DACH1: variants seen among roughly 807,000 people sequenced by gnomAD.
DACH1 encodes dachshund homolog 1.
In DACH1, 12 loss-of-function variants were observed where a neutral mutation model predicts 54.2. The ratio of observed to expected loss-of-function variants is 0.22; its 90% CI spans 0.14 to 0.36. The LOEUF (loss-of-function observed/expected upper bound fraction) is 0.36. DACH1 is among the 10% of genes least tolerant of loss of function. The probability of loss-of-function intolerance (pLI) is 1.00; values close to 1 mark genes in which losing one functional copy is unlikely to be tolerated. For synonymous variants in DACH1, 386 were observed against 366.2 expected (o/e 1.05, Z -0.62); for missense variants, 805 against 929.8 (o/e 0.87, Z 1.75).
In DACH1 at chr13:71,762,501, G is replaced by C. The variant is rs535325644; in HGVS notation, c.849-80591C>G. Among the ~76,000 whole-genome samples, 10 of 151,970 alleles carry C rather than the reference G, an allele frequency of 6.6e-5. No individual in the cohort carries two copies. In the East Asian group the frequency reaches 1.9e-3, roughly 29 times the overall value. ...AGGTCCGGCGTGGTGGCTCACTTTGGGAGGCCGAGGCGAGCAGCACTTTGG... is the reference window on the plus strand; with the variant it reads ...AGGTCCGGCGTGGTGGCTCACTTTGCGAGGCCGAGGCGAGCAGCACTTTGG... On this transcript the variant is annotated intron_variant, in intron 1 of 10. Coordinates refer to ENST00000613252, the MANE Select transcript of DACH1 (RefSeq NM_080759.6).
chr13:71,628,052 C>T (rs10507794), intron 3 of DACH1, among the ~76,000 whole-genome samples: 15,885 of 151,984 alleles, frequency 0.1, 2,330 homozygotes, highest in African/African-American at 0.32. Context: ...TGATATGATA[C>T]TATTATTTAT....
intron 1 of DACH1, among the ~76,000 whole-genome samples, chr13:71,773,788 C>G (rs1206623676): frequency 2.0e-5 from 3 of 152,000 alleles, no homozygotes; most frequent in Non-Finnish European, 4.4e-5. Flanking sequence ...TGAAAACAAT[C>G]TTTTATTACT....
intron 1 of DACH1, among the ~76,000 whole-genome samples, chr13:71,732,325 C>T (rs901592834): frequency 1.3e-5 from 2 of 152,088 alleles, no homozygotes; most frequent in Admixed American, 1.3e-4. Flanking sequence ...TGGCTCACAC[C>T]TGTAATCCCA....
chr13:71,839,543 C>A (rs1888935910), intron 1 of DACH1, among the ~76,000 whole-genome samples: 1 of 151,968 alleles, frequency 6.6e-6, no homozygotes, highest in South Asian at 2.1e-4. Flanking sequence ...GGAGGTGGAG[C>A]TTGTAGTGAG....
intron 1 of DACH1, among the ~76,000 whole-genome samples, chr13:71,796,816 G>A (rs1033406759): frequency 6.6e-6 from 1 of 152,002 alleles, no homozygotes; most frequent in African/African-American, 2.4e-5. Context: ...ACTTTGCCTT[G>A]TAGAAAAATA....
chr13:71,522,304 G>A (rs529062417), intron 6 of DACH1, among the ~76,000 whole-genome samples: 167 of 152,120 alleles, frequency 1.1e-3, no homozygotes, highest in African/African-American at 3.9e-3. Context: ...TTGAGATTCA[G>A]ATCTCAGAAG....
intron 10 of DACH1, among the ~76,000 whole-genome samples, chr13:71,454,282 C>T (rs534337701): frequency 1.3e-5 from 2 of 152,266 alleles, no homozygotes; most frequent in East Asian, 3.9e-4. Flanking sequence ...TGTTCTGATT[C>T]CATTCTCACT....
intron 1 of DACH1, among the ~76,000 whole-genome samples, chr13:71,796,439 T>C (rs1887054335): frequency 6.6e-6 from 1 of 152,116 alleles, no homozygotes; most frequent in Non-Finnish European, 1.5e-5. Flanking sequence ...CAAATTTGGC[T>C]GGTGACAAAG....
chr13:71,831,898 GCT>G (rs1352341152), intron 1 of DACH1, among the ~76,000 whole-genome samples: 5 of 151,848 alleles, frequency 3.3e-5, no homozygotes, highest in Non-Finnish European at 7.4e-5. Context: ...AAACGACCAT[GCT>G]CTCTTTATGG....
intron 6 of DACH1, among the ~76,000 whole-genome samples, chr13:71,497,858 TGACACACACA>T (rs746310492): frequency 6.0e-5 from 4 of 66,758 alleles, no homozygotes; most frequent in Non-Finnish European, 5.9e-5. Flanking sequence ...AAATATGTGT[TGACACACACA>T]CACACACACA....
chr13:71,666,988 T>TAAATAA (rs1244800999), intron 2 of DACH1, among the ~76,000 whole-genome samples: 1 of 151,728 alleles, frequency 6.6e-6, no homozygotes, highest in African/African-American at 2.4e-5. Context: ...AAATAATAAA[T>TAAATAA]AAATAAAAAT....
At chr13:71,672,523 A>G (rs570375071) in intron 2 of DACH1, among the ~76,000 whole-genome samples, 1 of 152,296 alleles carries the variant, frequency 6.6e-6, no homozygotes, top group Admixed American at 6.5e-5. Flanking sequence ...ATCTTTAATA[A>G]CTAACCTACA....
intron 3 of DACH1, among the ~76,000 whole-genome samples, chr13:71,614,322 T>C (rs1479851122): frequency 6.6e-6 from 1 of 152,096 alleles, no homozygotes; most frequent in Non-Finnish European, 1.5e-5. Context: ...ATTAATCCAA[T>C]AAATATTATT....
Position 71,439,950 on chromosome 13 carries a change from T to C in DACH1, c.*705A>G, listed in dbSNP as rs1015922743. On this transcript the variant is annotated 3_prime_UTR_variant, in exon 11 of 11. Transcript: ENST00000613252. Reference sequence around the variant, plus strand: ...AAAACATGTTACACTTATATATTTTTTTTTATTTTTAAGAAAAAAAAACCT... The same window carrying C: ...AAAACATGTTACACTTATATATTTTCTTTTATTTTTAAGAAAAAAAAACCT... 15 of 152,282 alleles carry C rather than the reference T, an allele frequency of 9.9e-5. No individual in the cohort carries two copies. Among genetic ancestry groups the C allele is most frequent in the African/African-American group, 3.6e-4 (15 of 41,402 alleles). The allele number at this position is 152,282 out of a possible 1,614,324, so 9.4% of individuals were successfully genotyped here. A position where few individuals can be genotyped will look rare whatever the true frequency, so the allele number is the denominator to read the frequency against.
chr13:71,587,871 C>G (rs938616797), intron 3 of DACH1, among the ~76,000 whole-genome samples: 1 of 152,020 alleles, frequency 6.6e-6, no homozygotes, highest in African/African-American at 2.4e-5. Flanking sequence ...ACATAATAAA[C>G]TCTCAGAAAG....
At chr13:71,807,419 CAAAAAA>C (rs10688170) in intron 1 of DACH1, among the ~76,000 whole-genome samples, 4 of 99,722 alleles carry the variant, frequency 4.0e-5, no homozygotes, top group Non-Finnish European at 5.7e-5. Context: ...TCACAGATTG[CAAAAAA>C]AAAAAAAAAA....
At chr13:71,776,234 T>C (rs185877716) in intron 1 of DACH1, among the ~76,000 whole-genome samples, 69 of 152,232 alleles carry the variant, frequency 4.5e-4, no homozygotes, top group African/African-American at 1.5e-3. Flanking sequence ...CATAGTAAAA[T>C]GTTTCACAAC....
At chr13:71,641,204 A>G (rs1320713192) in intron 2 of DACH1, among the ~76,000 whole-genome samples, 2 of 152,140 alleles carry the variant, frequency 1.3e-5, no homozygotes, top group South Asian at 4.1e-4. Context: ...GAAAAGACTC[A>G]TGCAAGAAAT....
intron 2 of DACH1, among the ~76,000 whole-genome samples, chr13:71,631,747 A>G (rs574853837): frequency 6.6e-6 from 1 of 152,308 alleles, no homozygotes; most frequent in East Asian, 1.9e-4. Flanking sequence ...AAATTTGTCC[A>G]GAATAGTTCA....
Sources: gnomAD v4.1 joint callset for allele counts (sites outside exome capture counted in the v4.1 genomes callset) on GRCh38, gnomAD v4.1.1 for gene constraint, MANE v1.5 for transcripts, NCBI Gene and HGNC (gene_info 2026-07-23, HGNC 2026-07-21) for gene names.